LYRM4: variants seen among roughly 807,000 people sequenced by gnomAD.
LYRM4 encodes LYR motif-containing protein 4.
In LYRM4, 9 loss-of-function variants were observed where a neutral mutation model predicts 11.7. The ratio of observed to expected loss-of-function variants is 0.77; its 90% CI spans 0.46 to 1.34. LYRM4 has a LOEUF of 1.34. Among genes scored for constraint, LYRM4 ranks in the 40% most tolerant of loss-of-function variants. LYRM4 has a pLI of 0.00. For synonymous variants in LYRM4, 42 were observed against 40.4 expected (o/e 1.04, Z -0.15); for missense variants, 133 against 112.5 (o/e 1.18, Z -0.82).
chr6:5,242,941 T>A (rs1319981216), intron 1 of LYRM4, among the ~76,000 whole-genome samples: 1 of 150,300 alleles, frequency 6.7e-6, no homozygotes, highest in Non-Finnish European at 1.5e-5. Flanking sequence ...GCCCGGCTAA[T>A]TTTTTGTATT....
intron 2 of LYRM4, among the ~76,000 whole-genome samples, chr6:5,162,997 T>A (rs1174908504): frequency 6.6e-6 from 1 of 152,240 alleles, no homozygotes; most frequent in Non-Finnish European, 1.5e-5. Context: ...ATATTGTGGA[T>A]ATAAATTTTT....
intron 2 of LYRM4, among the ~76,000 whole-genome samples, chr6:5,181,597 C>T (rs767312259): frequency 6.6e-6 from 1 of 152,174 alleles, no homozygotes; most frequent in Non-Finnish European, 1.5e-5. Flanking sequence ...GGTCTGGTGC[C>T]CCTGCCTCCT....
intron 2 of LYRM4, among the ~76,000 whole-genome samples, chr6:5,168,624 C>CT (rs1759230799): frequency 6.6e-6 from 1 of 152,136 alleles, no homozygotes; most frequent in South Asian, 2.1e-4. Context: ...AGCCAATGGA[C>CT]TGACCCTTTA....
At chr6:5,130,761 T>C (rs1259688550) in intron 2 of LYRM4, among the ~76,000 whole-genome samples, 1 of 152,080 alleles carries the variant, frequency 6.6e-6, no homozygotes, top group Non-Finnish European at 1.5e-5. Context: ...TATCCTCTTA[T>C]ACATAATAGT....
chr6:5,138,242 G>C (rs1465775286), intron 2 of LYRM4, among the ~76,000 whole-genome samples: 1 of 152,082 alleles, frequency 6.6e-6, no homozygotes, highest in African/African-American at 2.4e-5. Flanking sequence ...CCAGCACTTT[G>C]GGAGGCCAAG....
chr6:5,158,795 T>C (rs1008830891), intron 2 of LYRM4, among the ~76,000 whole-genome samples: 3 of 152,148 alleles, frequency 2.0e-5, no homozygotes, highest in African/African-American at 7.2e-5. Flanking sequence ...CTTGAGGTCA[T>C]GTCTGTCAAG....
downstream of LYRM4, among the ~76,000 whole-genome samples, chr6:5,098,906 G>A (rs962493723): frequency 6.6e-6 from 1 of 152,152 alleles, no homozygotes; most frequent in African/African-American, 2.4e-5. Flanking sequence ...GAGTGGGCTG[G>A]AGGAACACCT....
chr6:5,260,949 T>G lies in LYRM4; in HGVS notation c.-216A>C. ...CTTCGGGGGCGGGCGCAGGCAGGGC[T>G]CGGGGCAGCTAAGGGGGCGGTGCTG... On this transcript the variant is annotated 5_prime_UTR_variant, in exon 1 of 3. Transcript: ENST00000330636. 1 of 1,323,052 alleles carries G rather than the reference T, an allele frequency of 7.6e-7. No individual in the cohort carries two copies. Among genetic ancestry groups the G allele is most frequent in the East Asian group, 3.4e-5 (1 of 29,716 alleles). 82.0% of individuals were successfully genotyped at this position (1,323,052 alleles called of 1,614,324 possible).
intron 2 of LYRM4, among the ~76,000 whole-genome samples, chr6:5,140,805 G>A (rs181682054): frequency 6.6e-6 from 1 of 152,288 alleles, no homozygotes; most frequent in African/African-American, 2.4e-5. Context: ...AATAAAAGAG[G>A]TAACACGAAC....
intron 1 of LYRM4, among the ~76,000 whole-genome samples, chr6:5,252,910 C>T (rs1764500395): frequency 6.6e-6 from 1 of 151,978 alleles, no homozygotes; most frequent in South Asian, 2.1e-4. Context: ...TAGACCTTTC[C>T]TATGTGAGAA....
At chr6:5,245,116 ATATATATATATATAT>A (rs1561899022) in intron 1 of LYRM4, among the ~76,000 whole-genome samples, 12 of 14,718 alleles carry the variant, frequency 8.2e-4, no homozygotes, top group South Asian at 3.4e-3. Flanking sequence ...AAAAAAAAAT[ATATATATATATATAT>A]ATATATATAT....
intron 2 of LYRM4, among the ~76,000 whole-genome samples, chr6:5,211,553 C>T (rs1761987716): frequency 6.6e-6 from 1 of 152,176 alleles, no homozygotes; most frequent in South Asian, 2.1e-4. Flanking sequence ...TCTTTAATGG[C>T]TGTACATAGT....
intron 1 of LYRM4, among the ~76,000 whole-genome samples, chr6:5,222,901 T>C (rs940965327): frequency 1.3e-5 from 2 of 151,798 alleles, no homozygotes; most frequent in South Asian, 2.1e-4. Flanking sequence ...GTGAGAAATA[T>C]GTAAGAAAAA....
chr6:5,044,202 C>T, the LYRM4 span, among the ~76,000 whole-genome samples: 8 of 152,106 alleles, frequency 5.3e-5, no homozygotes, highest in Non-Finnish European at 1.2e-4. Context: ...GATCTTGGCT[C>T]ACTGCAACCT....
intron 2 of LYRM4, among the ~76,000 whole-genome samples, chr6:5,154,412 T>G (rs1419199216): frequency 6.7e-6 from 1 of 149,808 alleles, no homozygotes; most frequent in African/African-American, 2.4e-5. Flanking sequence ...AGAAAGGAGG[T>G]TGCAAAGGGC....
At chr6:5,235,112 G>A (rs1377485599) in intron 1 of LYRM4, among the ~76,000 whole-genome samples, 1 of 152,094 alleles carries the variant, frequency 6.6e-6, no homozygotes, top group Non-Finnish European at 1.5e-5. Flanking sequence ...GACCTGCTAT[G>A]CTTTGCACAT....
At chr6:5,197,020 G>A (rs968168184) in intron 2 of LYRM4, among the ~76,000 whole-genome samples, 2 of 152,198 alleles carry the variant, frequency 1.3e-5, no homozygotes, top group African/African-American at 4.8e-5. Flanking sequence ...TTTGACACGA[G>A]CAGTTAGAGA....
chr6:5,232,957 C>T (rs1763328500), intron 1 of LYRM4, among the ~76,000 whole-genome samples: 1 of 152,100 alleles, frequency 6.6e-6, no homozygotes, highest in African/African-American at 2.4e-5. Context: ...TCTTAACTAC[C>T]TACTAAAAAT....
chr6:5,108,464 G>C lies in LYRM4; in HGVS notation c.*959C>G, dbSNP rs958187620. ...CTTTATTACCTGTAATATACTTAAA[G>C]AGCAGGGGTCCCCAGTTGGTTAAAC... On this transcript the variant is annotated 3_prime_UTR_variant, in exon 3 of 3. Coordinates refer to ENST00000330636, the MANE Select transcript of LYRM4 (RefSeq NM_020408.6). The C allele has an allele frequency of 2.0e-6, 2 of 977,902 alleles. No individual in the cohort carries two copies. Among genetic ancestry groups the C allele is most frequent in the South Asian group, 4.7e-5 (1 of 21,156 alleles). 60.6% of individuals were successfully genotyped at this position (977,902 alleles called of 1,614,324 possible).
Sources: allele counts gnomAD v4.1 joint callset (sites outside exome capture counted in the v4.1 genomes callset), GRCh38; gene constraint gnomAD v4.1.1; transcripts MANE v1.5; gene names NCBI Gene and HGNC (gene_info 2026-07-23, HGNC 2026-07-21).